ZNF236: variants seen among roughly 807,000 people sequenced by gnomAD.
The protein encoded by ZNF236 is zinc finger protein 236.
ZNF236 carries 50 observed loss-of-function variants against 191.2 expected under a neutral mutation model. That is an observed-to-expected ratio of 0.26 (90% CI 0.21 to 0.33). ZNF236 has a LOEUF of 0.33. Ranked by LOEUF, ZNF236 falls within the 10% of genes least tolerant of loss-of-function variation. ZNF236 has a pLI of 1.00. For missense variants in ZNF236, 1,754 were observed against 2,374.5 expected, an observed-to-expected ratio of 0.74 and a Z score of 5.43; for synonymous variants, 907 against 928.8, an observed-to-expected ratio of 0.98 and a Z score of 0.43.
intron 13 of ZNF236, 127 bp downstream of exon 13, chr18:76,905,542 CAAGAAAAAA>C: frequency 1.2e-6 from 1 of 817,800 alleles, no homozygotes; most frequent in Non-Finnish European, 1.8e-6. Flanking sequence ...TATATGGGCT[CAAGAAAAAA>C]AAAAAAAAAA....
intron 1 of ZNF236, chr18:76,824,516 G>A: frequency 2.6e-6 from 2 of 774,282 alleles, no homozygotes; most frequent in Non-Finnish European, 4.8e-6. Context: ...TTGAGTTTTG[G>A]CCTTGACCTT....
At chr18:76,876,241 C>G (rs895857040) in intron 6 of ZNF236, among the ~76,000 whole-genome samples, 4 of 151,930 alleles carry the variant, frequency 2.6e-5, no homozygotes, top group Non-Finnish European at 5.9e-5. Flanking sequence ...GCAGGTCAAC[C>G]TTTGCTCTAA....
chr18:76,855,131 C>T (rs1976006429), intron 3 of ZNF236, among the ~76,000 whole-genome samples: 1 of 152,152 alleles, frequency 6.6e-6, no homozygotes, highest in African/African-American at 2.4e-5. Flanking sequence ...GCCATGTTGG[C>T]CAGGCTAGTC....
In ZNF236 at chr18:76,913,875, A is replaced by G. The variant is rs373447224; in HGVS notation, c.3038A>G (p.Lys1013Arg). 1.1e-4 allele frequency: 182 copies of G among 1,614,244 alleles called. 3 individuals are homozygous for G. In the South Asian group the frequency reaches 1.8e-3, roughly 16 times the overall value. ...GGCTTTGTTTCCTCTGGGGTCCTCA[A>G]GTCCCACGAGAAGACACACACAGGT... Reference protein sequence around the residue: ...GRGFVSSGVLKSHEKTHTGVK... With the variant: ...GRGFVSSGVLRSHEKTHTGVK... The change falls in exon 18 of 31, where the codon AAG becomes AGG. Residue 1013 changes from lysine to arginine, a missense_variant. This residue lies in a region of ZNF236 where 641 missense variants were observed against 869.6 expected (regional missense o/e 0.74). Coordinates refer to ENST00000320610, the MANE Select transcript of ZNF236 (RefSeq NM_001306089.2).
intron 10 of ZNF236, among the ~76,000 whole-genome samples, chr18:76,896,228 A>G (rs1241353892): frequency 6.7e-6 from 1 of 150,216 alleles, no homozygotes; most frequent in Non-Finnish European, 1.5e-5. Flanking sequence ...AGTATCAAAC[A>G]CAGTACCAAA....
intron 1 of ZNF236, among the ~76,000 whole-genome samples, chr18:76,841,256 A>G (rs1975491232): frequency 1.3e-5 from 2 of 151,844 alleles, no homozygotes; most frequent in African/African-American, 4.8e-5. Context: ...TATTTTTAGT[A>G]GAGACAAGGT....
Position 76,947,503 on chromosome 18 carries a change from G to C in ZNF236, c.4783-18G>C. 1 of 1,610,098 alleles carries C rather than the reference G, an allele frequency of 6.2e-7. No homozygotes were observed. Among genetic ancestry groups the C allele is most frequent in the Non-Finnish European group, 8.5e-7 (1 of 1,178,486 alleles). On this transcript the variant is annotated intron_variant, in intron 26 of 30. Transcript: ENST00000320610. ...TGCTAAAGTTACAACTTCTGAAATA[G>C]TACTAATCTTTTGCCAGGGTCAGCA...
chr18:76,873,433 T>C (rs1404514175), intron 5 of ZNF236, among the ~76,000 whole-genome samples: 1 of 152,196 alleles, frequency 6.6e-6, no homozygotes, highest in Non-Finnish European at 1.5e-5. Flanking sequence ...CTTGCTCCAA[T>C]TGGCTTGTGA....
At chr18:76,831,141 GT>G (rs35361152) in intron 1 of ZNF236, among the ~76,000 whole-genome samples, 67,436 of 151,890 alleles carry the variant, frequency 0.44, 15,232 homozygotes, top group East Asian at 0.53. Context: ...TATCCCATGG[GT>G]TTGGACAAAT....
At chr18:76,872,843 TA>T (rs1347112633) in intron 5 of ZNF236, among the ~76,000 whole-genome samples, 1 of 152,236 alleles carries the variant, frequency 6.6e-6, no homozygotes, top group African/African-American at 2.4e-5. Context: ...TTTATAGTGA[TA>T]AAGTAAGAAA....
intron 3 of ZNF236, among the ~76,000 whole-genome samples, chr18:76,858,635 G>T (rs903169992): frequency 1.6e-4 from 24 of 151,096 alleles, no homozygotes; most frequent in African/African-American, 5.6e-4. Context: ...CTCAGGTGGA[G>T]GCGAGTGCAG....
chr18:76,945,558 G>T (rs1169668392), intron 26 of ZNF236, among the ~76,000 whole-genome samples: 2 of 152,248 alleles, frequency 1.3e-5, no homozygotes, highest in Non-Finnish European at 2.9e-5. Flanking sequence ...GGCCAAGGTT[G>T]GTGGATCTCC....
intron 9 of ZNF236, among the ~76,000 whole-genome samples, chr18:76,882,362 C>G (rs1034221426): frequency 6.6e-5 from 10 of 152,186 alleles, no homozygotes; most frequent in Non-Finnish European, 1.2e-4. Flanking sequence ...CCTGCGTTCT[C>G]TCATGTTAAT....
intron 9 of ZNF236, among the ~76,000 whole-genome samples, chr18:76,884,004 C>T (rs957361719): frequency 2.0e-5 from 3 of 152,026 alleles, no homozygotes; most frequent in African/African-American, 7.3e-5. Context: ...ATGTTTTCGG[C>T]GGGATTTGCT....
intron 7 of ZNF236, among the ~76,000 whole-genome samples, chr18:76,878,692 T>G (rs914292914): frequency 1.3e-5 from 2 of 152,024 alleles, no homozygotes; most frequent in African/African-American, 2.4e-5. Flanking sequence ...CTCAGTCTCA[T>G]TTAGTTACTC....
At chr18:76,832,120 C>G (rs958487826) in intron 1 of ZNF236, among the ~76,000 whole-genome samples, 2 of 152,136 alleles carry the variant, frequency 1.3e-5, no homozygotes, top group Non-Finnish European at 2.9e-5. Context: ...CGCTCTGTCA[C>G]CCAGGCTCAA....
chr18:76,851,197 A>ATG (rs1276723634), intron 2 of ZNF236, among the ~76,000 whole-genome samples: 2 of 151,132 alleles, frequency 1.3e-5, no homozygotes, highest in Non-Finnish European at 2.9e-5. Flanking sequence ...CAAACGGCAA[A>ATG]TGTAAGCATG....
chr18:76,895,717 C>T (rs1468169454), intron 10 of ZNF236, among the ~76,000 whole-genome samples: 31 of 152,014 alleles, frequency 2.0e-4, no homozygotes, highest in Admixed American at 2.0e-3. Context: ...GTACTGCTCA[C>T]GGGTATGGCC....
intron 25 of ZNF236, among the ~76,000 whole-genome samples, chr18:76,936,751 C>A (rs528750678): frequency 6.7e-6 from 1 of 148,936 alleles, no homozygotes; most frequent in South Asian, 2.1e-4. Context: ...GGGTAAGCTC[C>A]GGAAGTAGCT....
Sources: gnomAD v4.1 joint callset for allele counts (sites outside exome capture counted in the v4.1 genomes callset) on GRCh38, gnomAD v4.1.1 for gene constraint, gnomAD v4.1.1 regional missense constraint, MANE v1.5 for transcripts, NCBI Gene and HGNC (gene_info 2026-07-23, HGNC 2026-07-21) for gene names.